The following EXT1 variants were observed in gnomAD, a reference collection of about 807,000 sequenced individuals.
EXT1 encodes the protein exostosin-1.
A neutral mutation model predicts 82.5 loss-of-function variants in EXT1; 20 were observed. The observed-to-expected ratio is 0.24, with a 90% confidence interval of 0.17 to 0.35. The LOEUF (loss-of-function observed/expected upper bound fraction) is 0.35, where lower values mean the gene tolerates loss of function less well. EXT1 is among the 10% of genes least tolerant of loss of function. The probability of loss-of-function intolerance (pLI) is 1.00; values close to 1 mark genes in which losing one functional copy is unlikely to be tolerated. For synonymous variants in EXT1, 348 were observed against 350.8 expected (o/e 0.99, Z 0.09); for missense variants, 757 against 936.5 (o/e 0.81, Z 2.50).
chr8:117,963,066 A>ACCATCCCATC (rs1024780086), intron 1 of EXT1, among the ~76,000 whole-genome samples: 4 of 152,134 alleles, frequency 2.6e-5, no homozygotes, highest in Non-Finnish European at 5.9e-5. Context: ...CTGCTCTCCC[A>ACCATCCCATC]CCATCCCATC....
intron 1 of EXT1, among the ~76,000 whole-genome samples, chr8:117,892,245 C>A (rs935668039): frequency 1.3e-5 from 2 of 152,310 alleles, no homozygotes; most frequent in South Asian, 4.1e-4. Flanking sequence ...ACTACACAGG[C>A]CACTGCTAAG....
intron 1 of EXT1, among the ~76,000 whole-genome samples, chr8:118,005,155 T>C (rs1054884025): frequency 1.3e-5 from 2 of 152,186 alleles, no homozygotes; most frequent in African/African-American, 2.4e-5. Flanking sequence ...GGGTTTTTCA[T>C]ACAAGTTAAA....
At chr8:118,104,275 G>A (rs1817771160) in intron 1 of EXT1, among the ~76,000 whole-genome samples, 1 of 152,216 alleles carries the variant, frequency 6.6e-6, no homozygotes. Context: ...CCTGGTCAAG[G>A]TGGAAGAGGT....
chr8:118,077,751 T>C (rs1176775709), intron 1 of EXT1, among the ~76,000 whole-genome samples: 3 of 152,356 alleles, frequency 2.0e-5, no homozygotes, highest in Non-Finnish European at 4.4e-5. Context: ...TTTAAAGAGT[T>C]ACCTTTTCTA....
intron 1 of EXT1, among the ~76,000 whole-genome samples, chr8:117,887,244 G>A (rs536757642): frequency 1.3e-4 from 20 of 152,196 alleles, no homozygotes; most frequent in African/African-American, 4.6e-4. Flanking sequence ...TAGTATTTAC[G>A]TGACTCTGAG....
chr8:117,806,881 C>A (rs1823246499), intron 9 of EXT1, among the ~76,000 whole-genome samples: 1 of 152,184 alleles, frequency 6.6e-6, no homozygotes, highest in Non-Finnish European at 1.5e-5. Context: ...AGTGATGAAT[C>A]CCAAGCACCT....
intron 1 of EXT1, among the ~76,000 whole-genome samples, chr8:117,965,393 T>G (rs1471466553): frequency 2.0e-5 from 3 of 152,136 alleles, no homozygotes; most frequent in Admixed American, 6.5e-5. Flanking sequence ...GAATATTCCC[T>G]TAGCATCAGG....
intron 1 of EXT1, among the ~76,000 whole-genome samples, chr8:117,996,397 CTATGGCCATG>C (rs1296702744): frequency 6.6e-6 from 1 of 152,164 alleles, no homozygotes; most frequent in African/African-American, 2.4e-5. Context: ...TACAGTTGCC[CTATGGCCATG>C]TACGGCTAGT....
At chr8:117,845,025 C>A (rs139586639) in intron 1 of EXT1, among the ~76,000 whole-genome samples, 382 of 152,338 alleles carry the variant, frequency 2.5e-3, no homozygotes, top group African/African-American at 7.5e-3. Context: ...CCGCAGAGAG[C>A]AGTGCGTGGC....
intron 1 of EXT1, among the ~76,000 whole-genome samples, chr8:117,980,703 T>TTTTTG (rs1563619795): frequency 1.1e-4 from 6 of 55,246 alleles, no homozygotes; most frequent in Admixed American, 1.9e-4. Flanking sequence ...TGGTGGTTTT[T>TTTTTG]TTTTTTTTTT....
At chr8:118,053,244 G>A (rs1816746183) in intron 1 of EXT1, among the ~76,000 whole-genome samples, 1 of 152,120 alleles carries the variant, frequency 6.6e-6, no homozygotes, top group Admixed American at 6.5e-5. Flanking sequence ...TCGGTTCTAA[G>A]CCCTTTTGTG....
chr8:118,030,126 G>A (rs1816280505), intron 1 of EXT1, among the ~76,000 whole-genome samples: 2 of 151,976 alleles, frequency 1.3e-5, no homozygotes, highest in Non-Finnish European at 2.9e-5. Flanking sequence ...TCTCTCTGAG[G>A]CTCTACAAAC....
Position 117,968,791 on chromosome 8 carries a change from G to C in EXT1, c.963-131590C>G, listed in dbSNP as rs1490310664. 2.3e-5 allele frequency among the ~76,000 whole-genome samples: 3 copies of C among 130,056 alleles called. 1 individual carries two copies. The highest frequency in any genetic ancestry group is 4.6e-5 in the Non-Finnish European group (3 of 64,968). 85.3% of individuals were successfully genotyped at this position (130,056 alleles called of 152,430 possible). On this transcript the variant is annotated intron_variant, in intron 1 of 10. Coordinates refer to ENST00000378204, the MANE Select transcript of EXT1 (RefSeq NM_000127.3). ...TCACCAGGTTAGCCAGGATGGTCTC[G>C]ATCTCCTGACCTTGTGATCCGCCCG...
intron 1 of EXT1, among the ~76,000 whole-genome samples, chr8:117,957,675 C>A (rs906158099): frequency 6.6e-6 from 1 of 152,228 alleles, no homozygotes. Context: ...GCCTTGCTTA[C>A]ACACCCAGCA....
At chr8:117,987,118 T>C (rs951479535) in intron 1 of EXT1, among the ~76,000 whole-genome samples, 1 of 152,220 alleles carries the variant, frequency 6.6e-6, no homozygotes, top group Non-Finnish European at 1.5e-5. Context: ...CACCTTAAGC[T>C]ATCTCTGAGG....
chr8:118,022,309 C>T (rs1816118877), intron 1 of EXT1, among the ~76,000 whole-genome samples: 1 of 146,284 alleles, frequency 6.8e-6, no homozygotes, highest in African/African-American at 2.5e-5. Flanking sequence ...ATATACTTGG[C>T]CGGGCGCATA....
intron 1 of EXT1, among the ~76,000 whole-genome samples, chr8:117,965,139 G>C (rs1022384263): frequency 6.6e-6 from 1 of 151,880 alleles, no homozygotes; most frequent in Non-Finnish European, 1.5e-5. Context: ...TTTTTTGTTT[G>C]TTTTTTTAAG....
At chr8:117,936,582 C>T (rs550106978) in intron 1 of EXT1, among the ~76,000 whole-genome samples, 49 of 152,284 alleles carry the variant, frequency 3.2e-4, no homozygotes, top group African/African-American at 1.1e-3. Flanking sequence ...CTTGTTTAAA[C>T]TGTGTTGAGG....
chr8:118,015,646 A>G (rs535062544), intron 1 of EXT1, among the ~76,000 whole-genome samples: 1 of 152,316 alleles, frequency 6.6e-6, no homozygotes, highest in South Asian at 2.1e-4. Flanking sequence ...TTCCTAGAAA[A>G]GACGGCATCT....
Sources: allele counts gnomAD v4.1 joint callset (sites outside exome capture counted in the v4.1 genomes callset), GRCh38; gene constraint gnomAD v4.1.1; transcripts MANE v1.5; gene names NCBI Gene and HGNC (gene_info 2026-07-23, HGNC 2026-07-21).